The following B3GALNT2 variants were observed in gnomAD, a reference collection of about 807,000 sequenced individuals.
B3GALNT2 encodes beta-1,3-N-acetylgalactosaminyltransferase 2, also known as UDP-GalNAc:beta-1,3-N-acetylgalactosaminyltransferase 2.
In B3GALNT2, 53 loss-of-function variants were observed where a neutral mutation model predicts 61.1. That is an observed-to-expected ratio of 0.87 (90% CI 0.70 to 1.09). The LOEUF (loss-of-function observed/expected upper bound fraction) is 1.09. B3GALNT2 is among the 50% of genes least tolerant of loss of function. B3GALNT2 has a pLI of 0.00. For missense variants in B3GALNT2, 544 were observed against 623.0 expected (o/e 0.87, Z 1.35); for synonymous variants, 223 against 237.4 (o/e 0.94, Z 0.56).
chr1:235,492,190 T>G (rs1447878462), intron 2 of B3GALNT2, among the ~76,000 whole-genome samples: 3 of 152,170 alleles, frequency 2.0e-5, no homozygotes, highest in East Asian at 1.9e-4. Context: ...TGTTACTAAT[T>G]ACCAATTAAG....
intron 9 of B3GALNT2, 72 bp downstream of exon 9, chr1:235,455,487 G>A (rs757279314): frequency 8.8e-6 from 13 of 1,476,554 alleles, no homozygotes; most frequent in Non-Finnish European, 1.2e-5. Flanking sequence ...AAAAAAAAAA[G>A]ATATTTTATG....
chr1:235,443,633 A>C (rs1010394840), downstream of B3GALNT2, among the ~76,000 whole-genome samples: 1 of 152,132 alleles, frequency 6.6e-6, no homozygotes, highest in Non-Finnish European at 1.5e-5. Context: ...TCATCCCTTC[A>C]TAAGAGAGGA....
At chr1:235,493,118 C>T (rs1303257367) in intron 2 of B3GALNT2, among the ~76,000 whole-genome samples, 3 of 152,036 alleles carry the variant, frequency 2.0e-5, no homozygotes, top group Admixed American at 2.0e-4. Context: ...CTGCAATAAT[C>T]CAGGTGAGAC....
At chr1:235,468,450 C>CTTTTTTT (rs58494716) in intron 6 of B3GALNT2, among the ~76,000 whole-genome samples, 1 of 87,388 alleles carries the variant, frequency 1.1e-5, no homozygotes, top group Admixed American at 1.4e-4. Context: ...AGAAACCTAC[C>CTTTTTTT]TTTTTTTTTT....
chr1:235,450,169 C>T lies in B3GALNT2; in HGVS notation c.*37G>A, dbSNP rs752818774. The T allele has an allele frequency of 2.0e-5, 32 of 1,612,400 alleles. No homozygotes were observed. In the South Asian group the frequency reaches 3.5e-4, roughly 18 times the overall value. On this transcript the variant is annotated 3_prime_UTR_variant, in exon 12 of 12. Coordinates refer to ENST00000366600, the MANE Select transcript of B3GALNT2 (RefSeq NM_152490.5). ...GACTTGCACTCAGATTATCGTTTGC[C>T]TGCCCTGATTTTAGACTCTGCTAAT...
Position 235,502,112 on chromosome 1 carries a change from A to G in B3GALNT2, c.112+2029T>C, listed in dbSNP as rs531277355. Among the ~76,000 whole-genome samples the G allele has an allele frequency of 2.6e-5, 4 of 152,298 alleles. No homozygotes were observed. In the East Asian group the frequency reaches 7.7e-4, roughly 29 times the overall value. ...ACTGCAACCTCCGCCTCCGAGGTTC[A>G]AGTGATTCTCCTGCCTCAGCCTCCT... On this transcript the variant is annotated intron_variant, in intron 1 of 11. Coordinates refer to ENST00000366600, the MANE Select transcript of B3GALNT2 (RefSeq NM_152490.5).
chr1:235,454,153 T>A lies in B3GALNT2; in HGVS notation c.1311+3A>T. On this transcript the variant is annotated splice_donor_region_variant and intron_variant, in intron 10 of 11. Transcript: ENST00000366600. ...CACGCCAAGCTAAGAAATTCTTAATTACCTGATAGGTCTTTAACCTCCCCG... is the reference window on the plus strand; with the variant it reads ...CACGCCAAGCTAAGAAATTCTTAATAACCTGATAGGTCTTTAACCTCCCCG... 6.3e-7 allele frequency: 1 copy of A among 1,592,572 alleles called. No homozygotes were observed. The highest frequency in any genetic ancestry group is 8.5e-7 in the Non-Finnish European group (1 of 1,170,144).
intron 4 of B3GALNT2, among the ~76,000 whole-genome samples, chr1:235,480,979 T>C (rs888848776): frequency 6.8e-6 from 1 of 146,216 alleles, no homozygotes; most frequent in African/African-American, 2.5e-5. Flanking sequence ...ATCGTTTTCT[T>C]GGGTTCTCCC....
chr1:235,485,314 TTTTTC>T (rs1337143778), intron 3 of B3GALNT2, among the ~76,000 whole-genome samples: 4 of 152,176 alleles, frequency 2.6e-5, no homozygotes, highest in Non-Finnish European at 4.4e-5. Context: ...GTTCAAATAA[TTTTTC>T]TTTTATTTCT....
At chr1:235,501,666 T>C (rs920105282) in intron 1 of B3GALNT2, among the ~76,000 whole-genome samples, 27 of 152,272 alleles carry the variant, frequency 1.8e-4, no homozygotes, top group Admixed American at 6.5e-4. Flanking sequence ...AGAACCTTTT[T>C]TAATATTCAG....
intron 5 of B3GALNT2, among the ~76,000 whole-genome samples, chr1:235,474,212 G>C (rs1271540619): frequency 6.6e-6 from 1 of 152,082 alleles, no homozygotes; most frequent in Admixed American, 6.5e-5. Context: ...TATGAAGCCA[G>C]GTATCTCTTA....
chr1:235,449,270 A>G lies in B3GALNT2; in HGVS notation c.*936T>C, dbSNP rs556779026. ...TTGCACTATTTCTAAGAGTACTTAA[A>G]TTAATCACATGCTTTTCCCTACAAT... On this transcript the variant is annotated 3_prime_UTR_variant, in exon 12 of 12. Transcript: ENST00000366600. 146 of 167,496 alleles carry G rather than the reference A, an allele frequency of 8.7e-4. No individual in the cohort carries two copies. The highest frequency in any genetic ancestry group is 3.2e-3 in the African/African-American group (135 of 41,632). The allele number at this position is 167,496 out of a possible 1,614,324, so 10.4% of individuals were successfully genotyped here. A position where few individuals can be genotyped will look rare whatever the true frequency, so the allele number is the denominator to read the frequency against.
chr1:235,479,849 T>G, intron 5 of B3GALNT2: 5 of 748,252 alleles, frequency 6.7e-6, no homozygotes, highest in Non-Finnish European at 9.5e-6. Flanking sequence ...AAAAGTGGTT[T>G]TGGAACCTCT....
rs12028383 is a variant in B3GALNT2, at chr1:235,503,489, G to T, written c.112+652C>A. Reference sequence around the variant, plus strand: ...AATGGACACGATCGTTAAAGAATTTGATATTTCCATGTAAACTGCATTAGC... The same window carrying T: ...AATGGACACGATCGTTAAAGAATTTTATATTTCCATGTAAACTGCATTAGC... On this transcript the variant is annotated intron_variant, in intron 1 of 11. Transcript: ENST00000366600. 1.6e-3 allele frequency among the ~76,000 whole-genome samples: 246 copies of T among 152,350 alleles called. 3 individuals carry two copies. The East Asian group carries it at 0.033, about 20-fold the overall frequency.
rs1374575582 is a variant in B3GALNT2, at chr1:235,449,441, T to A, written c.*765A>T. On this transcript the variant is annotated 3_prime_UTR_variant, in exon 12 of 12. Transcript: ENST00000366600. ...CAAAATTTAGAAATATCCTTCCCGATGGCACTAAAACCCTGAGAGGTATTT... is the reference window on the plus strand; with the variant it reads ...CAAAATTTAGAAATATCCTTCCCGAAGGCACTAAAACCCTGAGAGGTATTT... 6.5e-6 allele frequency: 1 copy of A among 153,438 alleles called. No individual in the cohort carries two copies. The highest frequency in any genetic ancestry group is 1.5e-5 in the Non-Finnish European group (1 of 68,962). 9.5% of individuals were successfully genotyped at this position (153,438 alleles called of 1,614,324 possible).
intron 1 of B3GALNT2, among the ~76,000 whole-genome samples, chr1:235,502,685 C>T (rs1300751967): frequency 6.6e-6 from 1 of 152,184 alleles, no homozygotes; most frequent in Non-Finnish European, 1.5e-5. Context: ...ACTAAGATTT[C>T]AGTTTGAAGT....
intron 8 of B3GALNT2, among the ~76,000 whole-genome samples, chr1:235,456,305 A>G (rs960155700): frequency 6.6e-6 from 1 of 152,214 alleles, no homozygotes; most frequent in Admixed American, 6.5e-5. Context: ...ATGACTAAAG[A>G]CAAAATTGAC....
chr1:235,484,692 T>C (rs1684718771), intron 3 of B3GALNT2, 177 bp from the exon 4 acceptor site: 12 of 1,213,802 alleles, frequency 9.9e-6, no homozygotes, highest in Non-Finnish European at 1.1e-5. Flanking sequence ...TATAAACATT[T>C]TTGAAATTTA....
intron 5 of B3GALNT2, among the ~76,000 whole-genome samples, chr1:235,473,235 T>A (rs1684086833): frequency 2.6e-5 from 4 of 152,238 alleles, no homozygotes; most frequent in Admixed American, 2.0e-4. Flanking sequence ...TTTCCTTTTT[T>A]AAAATAAATA....
Sources: gnomAD v4.1 joint callset for allele counts (sites outside exome capture counted in the v4.1 genomes callset) on GRCh38, gnomAD v4.1.1 for gene constraint, MANE v1.5 for transcripts, NCBI Gene and HGNC (gene_info 2026-07-23, HGNC 2026-07-21) for gene names.